SGCZ: variants seen among roughly 807,000 people sequenced by gnomAD.
The protein encoded by SGCZ is sarcoglycan zeta.
A neutral mutation model predicts 41.3 loss-of-function variants in SGCZ; 40 were observed. The ratio of observed to expected loss-of-function variants is 0.97; its 90% CI spans 0.75 to 1.26. The LOEUF (loss-of-function observed/expected upper bound fraction) is 1.26. Ranked by LOEUF, SGCZ falls within the 50% of genes most tolerant of loss-of-function variation. The pLI, the probability that SGCZ is intolerant of heterozygous loss-of-function variation, is 0.00. For missense variants in SGCZ, 552 were observed against 369.8 expected (o/e 1.49, Z -4.04); for synonymous variants, 206 against 137.5 (o/e 1.50, Z -3.49).
At chr8:14,851,382 A>G (rs936239044) in intron 1 of SGCZ, among the ~76,000 whole-genome samples, 1 of 143,704 alleles carries the variant, frequency 7.0e-6, no homozygotes, top group Non-Finnish European at 1.5e-5. Flanking sequence ...AAAAAAAAAA[A>G]AAAAAAAAGA....
chr8:14,883,352 G>A (rs960235265), intron 1 of SGCZ, among the ~76,000 whole-genome samples: 1 of 152,010 alleles, frequency 6.6e-6, no homozygotes. Flanking sequence ...TTACTCCAGG[G>A]CAAGAGCCTG....
At chr8:15,014,903 C>T (rs1802967781) in intron 1 of SGCZ, among the ~76,000 whole-genome samples, 1 of 152,214 alleles carries the variant, frequency 6.6e-6, no homozygotes, top group South Asian at 2.1e-4. Context: ...AAGCAGCCTT[C>T]TGTAAAAACT....
chr8:14,880,487 T>C (rs536361319), intron 1 of SGCZ, among the ~76,000 whole-genome samples: 6 of 152,276 alleles, frequency 3.9e-5, no homozygotes, highest in Non-Finnish European at 7.4e-5. Context: ...CATGCTGCTA[T>C]AAAGACACAC....
intron 1 of SGCZ, among the ~76,000 whole-genome samples, chr8:14,945,165 T>TG (rs796836743): frequency 0.032 from 568 of 17,684 alleles, 2 homozygotes; most frequent in Non-Finnish European, 0.041. Context: ...TGTGGGTGGG[T>TG]GGGGGGGGTG....
intron 3 of SGCZ, among the ~76,000 whole-genome samples, chr8:14,241,149 A>G (rs150157561): frequency 2.5e-4 from 38 of 152,144 alleles, no homozygotes; most frequent in African/African-American, 8.9e-4. Context: ...AACTGATACT[A>G]ATATTTTACT....
At chr8:14,534,470 C>A (rs1010337471) in intron 2 of SGCZ, among the ~76,000 whole-genome samples, 1 of 151,992 alleles carries the variant, frequency 6.6e-6, no homozygotes. Flanking sequence ...TTCACTCTTT[C>A]CTTTATCCAA....
chr8:14,529,649 T>C (rs539275253), intron 2 of SGCZ, among the ~76,000 whole-genome samples: 1 of 152,210 alleles, frequency 6.6e-6, no homozygotes, highest in South Asian at 2.1e-4. Context: ...AATTCCCTAG[T>C]TTTGCCCTAA....
rs192643166 is a variant in SGCZ at position 14,188,949 on chromosome 8, G to A, written c.425-24247C>T. On this transcript the variant is annotated intron_variant, in intron 4 of 7. Coordinates refer to ENST00000382080, the MANE Select transcript of SGCZ (RefSeq NM_139167.4). ...CGGGTTCGAGCAACCTCCATCACCC[G>A]GGTTCAAGCAATTCTTCTGCCTCAG... is the stretch of plus-strand genomic sequence containing the variant. Among the ~76,000 whole-genome samples the A allele has an allele frequency of 6.0e-5, 9 of 150,806 alleles. No homozygotes were observed. The East Asian group carries it at 1.2e-3, about 20-fold the overall frequency.
intron 2 of SGCZ, among the ~76,000 whole-genome samples, chr8:14,401,230 A>T (rs1799062819): frequency 6.6e-6 from 1 of 152,182 alleles, no homozygotes; most frequent in East Asian, 1.9e-4. Context: ...CATAGGTCAT[A>T]ATCAATACTT....
intron 3 of SGCZ, among the ~76,000 whole-genome samples, chr8:14,242,303 T>G (rs1798918330): frequency 6.6e-6 from 1 of 152,174 alleles, no homozygotes; most frequent in East Asian, 1.9e-4. Context: ...TGGCCCTTAA[T>G]CAATGCCAGA....
chr8:14,431,908 G>T (rs188911189), intron 2 of SGCZ, among the ~76,000 whole-genome samples: 1 of 152,140 alleles, frequency 6.6e-6, no homozygotes, highest in Admixed American at 6.5e-5. Flanking sequence ...TACACCAATG[G>T]CCAACAAACA....
At chr8:15,223,101 C>G (rs1393154668) in intron 1 of SGCZ, among the ~76,000 whole-genome samples, 1 of 152,050 alleles carries the variant, frequency 6.6e-6, no homozygotes, top group Non-Finnish European at 1.5e-5. Flanking sequence ...TTTTACCAAC[C>G]CTTAAAGCAT....
intron 2 of SGCZ, among the ~76,000 whole-genome samples, chr8:14,467,406 C>G (rs1801082453): frequency 6.6e-6 from 1 of 151,996 alleles, no homozygotes; most frequent in African/African-American, 2.4e-5. Context: ...TAATCAGAAG[C>G]AATAATCACC....
chr8:15,083,079 A>G (rs1438670675), intron 1 of SGCZ, among the ~76,000 whole-genome samples: 4 of 152,210 alleles, frequency 2.6e-5, no homozygotes, highest in African/African-American at 9.7e-5. Flanking sequence ...TTCAAATGAA[A>G]TATCTACCAG....
At chr8:14,425,226 C>G (rs1799745834) in intron 2 of SGCZ, among the ~76,000 whole-genome samples, 1 of 152,192 alleles carries the variant, frequency 6.6e-6, no homozygotes, top group Non-Finnish European at 1.5e-5. Context: ...TTCAGGGTTT[C>G]TCACTACCAG....
chr8:14,995,860 C>A (rs1380911177), intron 1 of SGCZ, among the ~76,000 whole-genome samples: 1 of 152,042 alleles, frequency 6.6e-6, no homozygotes, highest in Non-Finnish European at 1.5e-5. Flanking sequence ...TAATCCTATG[C>A]TTTTATGGCA....
intron 1 of SGCZ, among the ~76,000 whole-genome samples, chr8:14,787,558 T>C (rs1800807635): frequency 6.6e-6 from 1 of 152,050 alleles, no homozygotes; most frequent in Non-Finnish European, 1.5e-5. Context: ...AGAAGGAATA[T>C]TCCAGCCGGG....
intron 1 of SGCZ, among the ~76,000 whole-genome samples, chr8:15,218,289 A>T (rs1801483652): frequency 6.6e-6 from 1 of 152,188 alleles, no homozygotes; most frequent in South Asian, 2.1e-4. Context: ...TATATAAAAG[A>T]GCCTATTGCC....
At chr8:14,295,663 A>C (rs1003309127) in intron 3 of SGCZ, among the ~76,000 whole-genome samples, 5 of 152,182 alleles carry the variant, frequency 3.3e-5, no homozygotes, top group African/African-American at 1.2e-4. Context: ...TAAATGTGAC[A>C]TATTAAAAAA....
Sources: allele counts gnomAD v4.1 joint callset (sites outside exome capture counted in the v4.1 genomes callset), GRCh38; gene constraint gnomAD v4.1.1; transcripts MANE v1.5; gene names NCBI Gene and HGNC (gene_info 2026-07-23, HGNC 2026-07-21).